ITFG1: variants seen among roughly 807,000 people sequenced by gnomAD.
ITFG1 encodes the protein integrin alpha FG-GAP repeat containing 1, also known as T-cell immunomodulatory protein.
In ITFG1, 34 loss-of-function variants were observed where a neutral mutation model predicts 81.8. The observed-to-expected ratio is 0.42, with a 90% CI of 0.32 to 0.55. The LOEUF is 0.55. ITFG1 is among the 20% of genes least tolerant of loss of function. The pLI is 0.17. For missense variants in ITFG1, 672 were observed against 755.4 expected (o/e 0.89, Z 1.29); for synonymous variants, 285 against 270.6 (o/e 1.05, Z -0.52).
At chr16:47,369,833 C>CTTTTTTTTTTT (rs71134539) in intron 7 of ITFG1, among the ~76,000 whole-genome samples, 1 of 51,728 alleles carries the variant, frequency 1.9e-5, no homozygotes, top group African/African-American at 7.8e-5. Flanking sequence ...TCAATATCCT[C>CTTTTTTTTTTT]TTTTTTTTTT....
intron 14 of ITFG1, among the ~76,000 whole-genome samples, chr16:47,184,802 C>T (rs1249304134): frequency 6.6e-6 from 1 of 151,940 alleles, no homozygotes; most frequent in African/African-American, 2.4e-5. Context: ...TGTAAATGGA[C>T]TAAATGCTCC....
Position 47,340,196 on chromosome 16 carries a change from G to A in ITFG1, c.802+25592C>T, listed in dbSNP as rs991881380. On this transcript the variant is annotated intron_variant, in intron 8 of 17. Transcript: ENST00000320640. Reference sequence around the variant, plus strand: ...TTTTCCACTATCAGACCTGCTATATGAGAAATGCTAAAAAGCCATATAAAG... The same window carrying A: ...TTTTCCACTATCAGACCTGCTATATAAGAAATGCTAAAAAGCCATATAAAG... Among the ~76,000 whole-genome samples, 17 of 151,952 alleles carry A rather than the reference G, an allele frequency of 1.1e-4. No homozygotes were observed. The East Asian group carries it at 2.9e-3, about 26-fold the overall frequency.
intron 14 of ITFG1, among the ~76,000 whole-genome samples, chr16:47,216,373 G>A (rs975115032): frequency 6.6e-6 from 1 of 151,858 alleles, no homozygotes; most frequent in African/African-American, 2.4e-5. Flanking sequence ...TCTTTTTTTT[G>A]CATTTTCAGT....
At chr16:47,416,183 G>A (rs1968872723) in intron 6 of ITFG1, among the ~76,000 whole-genome samples, 1 of 151,918 alleles carries the variant, frequency 6.6e-6, no homozygotes, top group East Asian at 1.9e-4. Context: ...GATTATGAGC[G>A]ATGTCCACAA....
chr16:47,158,895 C>T lies in ITFG1; in HGVS notation c.1757G>A (p.Gly586Asp). ...GVCVFILAII[G>D]ILHWQEKKAD... ...AACCTTTTCCTGCCAATGTAAAATG[C>T]CAATTATTGCCAAGATGAAAACACA... Residue 586 changes from glycine to aspartate, a missense_variant, in exon 17 of 18, where the codon GGC becomes GAC. Gly to Asp is a moderately conservative substitution (Grantham distance 94, BLOSUM62 -1). This residue lies in a region of ITFG1 where 65 missense variants were observed against 103.3 expected (regional missense o/e 0.63). Coordinates refer to ENST00000320640, the MANE Select transcript of ITFG1 (RefSeq NM_030790.5). The T allele has an allele frequency of 1.3e-6, 2 of 1,584,932 alleles. No individual in the cohort carries two copies. The highest frequency in any genetic ancestry group is 1.1e-5 in the South Asian group (1 of 88,108).
chr16:47,439,707 A>G (rs1567500860), intron 5 of ITFG1, among the ~76,000 whole-genome samples: 2 of 152,224 alleles, frequency 1.3e-5, no homozygotes, highest in Non-Finnish European at 2.9e-5. Flanking sequence ...GAAAGGAACA[A>G]CCGGTATCAG....
At chr16:47,191,284 T>C (rs1052791617) in intron 14 of ITFG1, among the ~76,000 whole-genome samples, 1 of 152,176 alleles carries the variant, frequency 6.6e-6, no homozygotes, top group South Asian at 2.1e-4. Context: ...TTCATTCCTA[T>C]TTACAGCAAG....
At chr16:47,377,565 G>C (rs183388573) in intron 6 of ITFG1, among the ~76,000 whole-genome samples, 14 of 152,238 alleles carry the variant, frequency 9.2e-5, no homozygotes, top group Admixed American at 2.0e-4. Context: ...GTTTGCCTCT[G>C]TACATGTCAT....
chr16:47,181,345 G>A (rs1965112452), intron 14 of ITFG1, among the ~76,000 whole-genome samples: 1 of 151,584 alleles, frequency 6.6e-6, no homozygotes, highest in Non-Finnish European at 1.5e-5. Context: ...CCGTCCGGGA[G>A]GGAGGTGGGG....
chr16:47,192,196 A>C (rs1414668704), intron 14 of ITFG1, among the ~76,000 whole-genome samples: 1 of 152,078 alleles, frequency 6.6e-6, no homozygotes, highest in East Asian at 1.9e-4. Context: ...TTTGCCTTTT[A>C]GTGTGGCTTG....
intron 7 of ITFG1, among the ~76,000 whole-genome samples, chr16:47,372,797 T>C (rs1968274464): frequency 6.6e-6 from 1 of 152,232 alleles, no homozygotes; most frequent in African/African-American, 2.4e-5. Flanking sequence ...AAGTAAGCAC[T>C]GTGTTAATGG....
At chr16:47,401,724 C>G (rs1968663912) in intron 6 of ITFG1, among the ~76,000 whole-genome samples, 1 of 152,098 alleles carries the variant, frequency 6.6e-6, no homozygotes, top group Admixed American at 6.5e-5. Context: ...GTGCAAAGCA[C>G]TCTTTATGTG....
Position 47,263,010 on chromosome 16 carries a change from T to C in ITFG1, c.1071-2315A>G, listed in dbSNP as rs78011569. 9.8e-4 allele frequency: 190 copies of C among 194,212 alleles called. No homozygotes were observed. The East Asian group carries it at 0.023, about 23-fold the overall frequency. The allele number at this position is 194,212 out of a possible 1,614,324, so 12.0% of individuals were successfully genotyped here. A position where few individuals can be genotyped will look rare whatever the true frequency, so the allele number is the denominator to read the frequency against. ...GATCAACCCCTACCCGAAGCCATCA[T>C]GGCTAGGGGCACAGGGAACTGTAGC... is the stretch of plus-strand genomic sequence containing the variant. On this transcript the variant is annotated intron_variant, in intron 10 of 17. Coordinates refer to ENST00000320640, the MANE Select transcript of ITFG1 (RefSeq NM_030790.5).
At chr16:47,440,357 C>T (rs945637892) in intron 5 of ITFG1, among the ~76,000 whole-genome samples, 1 of 152,246 alleles carries the variant, frequency 6.6e-6, no homozygotes, top group Non-Finnish European at 1.5e-5. Context: ...CTACAGAACT[C>T]TCCACCCCAA....
intron 7 of ITFG1, 29 bp downstream of exon 7, chr16:47,375,847 T>A (rs1968316702): frequency 7.2e-7 from 1 of 1,383,042 alleles, no homozygotes; most frequent in Non-Finnish European, 1.0e-6. Flanking sequence ...GCCATCATTT[T>A]AAAATGCTTC....
intron 14 of ITFG1, chr16:47,196,446 G>C (rs949614239): frequency 6.6e-6 from 1 of 152,002 alleles, no homozygotes; most frequent in Non-Finnish European, 1.5e-5. Context: ...GTGCTGAGGT[G>C]GGGGGAAGCA....
intron 10 of ITFG1, among the ~76,000 whole-genome samples, chr16:47,296,592 C>T (rs760301266): frequency 3.3e-5 from 5 of 152,098 alleles, no homozygotes; most frequent in African/African-American, 4.8e-5. Context: ...CACGCCATCA[C>T]GTCCAGTTAA....
chr16:47,427,395 G>A (rs987605302), intron 6 of ITFG1, among the ~76,000 whole-genome samples: 1 of 152,196 alleles, frequency 6.6e-6, no homozygotes, highest in Non-Finnish European at 1.5e-5. Flanking sequence ...AGTGGTTCAT[G>A]TCTGTAATCC....
intron 7 of ITFG1, among the ~76,000 whole-genome samples, chr16:47,368,703 T>C (rs1160877353): frequency 6.6e-6 from 1 of 150,960 alleles, no homozygotes; most frequent in Non-Finnish European, 1.5e-5. Flanking sequence ...CTCAATATAC[T>C]AACTGAAGTG....
Sources: allele counts gnomAD v4.1 joint callset (sites outside exome capture counted in the v4.1 genomes callset), GRCh38; gene constraint gnomAD v4.1.1; regional missense constraint gnomAD v4.1.1; transcripts MANE v1.5; gene names NCBI Gene and HGNC (gene_info 2026-07-23, HGNC 2026-07-21).